Variants in ZNF18 observed in about 807,000 individuals in gnomAD.
ZNF18 encodes heart development-specific gene 1 protein.
Under a neutral mutation model 58.1 loss-of-function variants are expected in ZNF18, and 42 were observed. The ratio of observed to expected loss-of-function variants is 0.72; its 90% CI spans 0.56 to 0.93. The LOEUF (loss-of-function observed/expected upper bound fraction) is 0.93, where lower values mean the gene tolerates loss of function less well. ZNF18 is among the 40% of genes least tolerant of loss of function. ZNF18 has a pLI of 0.00. For synonymous variants in ZNF18, 231 were observed against 239.8 expected, an observed-to-expected ratio of 0.96 and a Z score of 0.34; for missense variants, 540 against 644.2, an observed-to-expected ratio of 0.84 and a Z score of 1.75.
At chr17:11,986,004 T>G (rs1967715860) in intron 4 of ZNF18, among the ~76,000 whole-genome samples, 2 of 152,192 alleles carry the variant, frequency 1.3e-5, no homozygotes, top group South Asian at 4.1e-4. Context: ...CCCACCCAAA[T>G]CTCATCTTGT....
chr17:12,010,418 A>T, the ZNF18 span, among the ~76,000 whole-genome samples: 1 of 151,406 alleles, frequency 6.6e-6, no homozygotes. Context: ...TTGTTTCTGA[A>T]CTTTTTTTTT....
Position 11,978,310 on chromosome 17 carries a change from C to T in ZNF18, c.1297G>A (p.Glu433Lys). The T allele has an allele frequency of 1.2e-6, 2 of 1,600,008 alleles. No individual in the cohort carries two copies. Among genetic ancestry groups the T allele is most frequent in the Non-Finnish European group, 1.7e-6 (2 of 1,174,570 alleles). The change falls in exon 7 of 7, where the codon GAG (glutamate) becomes AAG (lysine). Residue 433 changes from glutamate to lysine, a missense_variant. Physicochemically the swap from Glu to Lys is moderately conservative, Grantham distance 56 (BLOSUM62 1). Coordinates refer to ENST00000580306, the MANE Select transcript of ZNF18 (RefSeq NM_001303281.2). ...CAGATGGTGCACTGAAAGTATGTCT[C>T]TCCGGTGTGAGTTCTTTGGTGAAAA... Reference protein sequence around the residue: ...LIFHQRTHTGETYFQCTICKK... With the variant: ...LIFHQRTHTGKTYFQCTICKK...
chr17:12,020,894 C>G, the ZNF18 span: 1 of 1,209,728 alleles, frequency 8.3e-7, no homozygotes, highest in Non-Finnish European at 1.0e-6. Context: ...ACAATGGCGG[C>G]TCCGAGCCCG....
the ZNF18 span, among the ~76,000 whole-genome samples, chr17:12,005,330 A>G: frequency 2.5e-4 from 38 of 152,234 alleles, no homozygotes; most frequent in Middle Eastern, 6.8e-3. Flanking sequence ...GTTCTCATAC[A>G]TGAAAATCAA....
chr17:12,012,659 A>G, the ZNF18 span, among the ~76,000 whole-genome samples: 2 of 152,180 alleles, frequency 1.3e-5, no homozygotes, highest in Non-Finnish European at 2.9e-5. Context: ...CTGAGAAATT[A>G]TATCTCAATG....
In ZNF18 at chr17:11,992,791, T is replaced by C. The variant is rs200022922; in HGVS notation, c.39A>G (p.Pro13=). Residue 13 remains proline (P), a synonymous_variant, in exon 2 of 7, where the codon CCA becomes CCG. Transcript: ENST00000580306. ...VDLGQALGLL[P]SLAKAEDSQF... Reference sequence around the variant, plus strand: ...GGGAGTCCTCGGCCTTCGCCAGCGATGGCAGCAGGCCTAGGGCCTGCCCCA... The same window carrying C: ...GGGAGTCCTCGGCCTTCGCCAGCGACGGCAGCAGGCCTAGGGCCTGCCCCA... 6.0e-5 allele frequency: 97 copies of C among 1,613,966 alleles called. No homozygotes were observed. The East Asian group carries it at 1.9e-3, about 32-fold the overall frequency.
intron 4 of ZNF18, among the ~76,000 whole-genome samples, chr17:11,989,450 A>T (rs1321588375): frequency 1.3e-5 from 2 of 152,228 alleles, no homozygotes; most frequent in Non-Finnish European, 2.9e-5. Context: ...GTAGATAAGG[A>T]TATTAATACA....
At chr17:12,002,593 T>C in the ZNF18 span, among the ~76,000 whole-genome samples, 1 of 152,174 alleles carries the variant, frequency 6.6e-6, no homozygotes, top group Non-Finnish European at 1.5e-5. Context: ...ATTTAAACTC[T>C]GCTTTTTCTG....
chr17:11,998,744 C>G (rs1968601529), upstream of ZNF18, among the ~76,000 whole-genome samples: 1 of 151,266 alleles, frequency 6.6e-6, no homozygotes, highest in South Asian at 2.1e-4. Context: ...TCGACATGTT[C>G]TCTTAAGTCC....
chr17:11,984,165 C>T lies in ZNF18; in HGVS notation c.699G>A (p.Lys233=). Residue 233 remains lysine (K), a synonymous_variant, in exon 5 of 7, where the codon AAG becomes AAA. Transcript: ENST00000580306. ...CCAGCATGAGATCCCAGTATTGCTC[C>T]TTTTGAGTGGAATCCAGTTGTCTCC... The part of the protein sequence containing the change: ...EQWRQLDSTQ[K]EQYWDLMLET... 6.2e-7 allele frequency: 1 copy of T among 1,612,396 alleles called. No homozygotes were observed.
the ZNF18 span, chr17:12,020,994 C>T: frequency 8.3e-7 from 1 of 1,210,814 alleles, no homozygotes; most frequent in South Asian, 4.1e-5. Context: ...CCGTCAGCAG[C>T]ATGCAGGGTA....
chr17:11,999,995 C>T (rs554568932), upstream of ZNF18, among the ~76,000 whole-genome samples: 4 of 152,274 alleles, frequency 2.6e-5, no homozygotes, highest in South Asian at 8.3e-4. Context: ...AATCTCAGCT[C>T]ACTGCAACCT....
the ZNF18 span, chr17:12,020,793 A>G: frequency 3.9e-6 from 2 of 518,742 alleles, no homozygotes; most frequent in African/African-American, 2.0e-5. Context: ...AGGCGGGGCC[A>G]AGGCGGGGGT....
At chr17:11,982,089 C>A (rs1032235117) in intron 6 of ZNF18, among the ~76,000 whole-genome samples, 4 of 152,116 alleles carry the variant, frequency 2.6e-5, no homozygotes, top group African/African-American at 9.7e-5. Context: ...TCCCCAACCC[C>A]CCTCTCTGCT....
At chr17:11,990,413 T>G in intron 4 of ZNF18, 49 bp downstream of exon 4, 1 of 1,511,014 alleles carries the variant, frequency 6.6e-7, no homozygotes, top group Non-Finnish European at 9.1e-7. Flanking sequence ...AGGATGAGAT[T>G]ATAAAAGGTA....
chr17:12,004,887 C>CAAAAAAAAAAAAAAAAAAA, the ZNF18 span, among the ~76,000 whole-genome samples: 2 of 56,210 alleles, frequency 3.6e-5, no homozygotes, highest in Non-Finnish European at 3.9e-5. Context: ...AACTCCATCT[C>CAAAAAAAAAAAAAAAAAAA]AAAAAAAAAA....
At chr17:11,998,014 C>A (rs1968578154), upstream of ZNF18, among the ~76,000 whole-genome samples, 1 of 151,974 alleles carries the variant, frequency 6.6e-6, no homozygotes, top group African/African-American at 2.4e-5. Context: ...TGGGGCTAGT[C>A]CAATGTGGTG....
Position 11,978,215 on chromosome 17 carries a change from A to G in ZNF18, c.1392T>C (p.Cys464=), listed in dbSNP as rs942222296. Residue 464 remains cysteine, a synonymous_variant, in exon 7 of 7, where the codon TGT becomes TGC. Coordinates refer to ENST00000580306, the MANE Select transcript of ZNF18 (RefSeq NM_001303281.2). The stretch of plus-strand genomic sequence containing the variant: ...AGCCTTTCCCACAGTAATCACATTT[A>G]CAGGGCTTCTCTCCCGTGTGAGTTC... ...HQRTHTGEKP[C]KCDYCGKGFS... 3.1e-6 allele frequency: 5 copies of G among 1,614,136 alleles called. No individual in the cohort carries two copies. In the African/African-American group the frequency reaches 6.7e-5, roughly 22 times the overall value.
At chr17:12,008,185 A>G in the ZNF18 span, among the ~76,000 whole-genome samples, 1 of 152,208 alleles carries the variant, frequency 6.6e-6, no homozygotes, top group Non-Finnish European at 1.5e-5. Flanking sequence ...ACAGGGTTCT[A>G]TCCAAGATCA....
Sources: gnomAD v4.1 joint callset for allele counts (sites outside exome capture counted in the v4.1 genomes callset) on GRCh38, gnomAD v4.1.1 for gene constraint, MANE v1.5 for transcripts, NCBI Gene and HGNC (gene_info 2026-07-23, HGNC 2026-07-21) for gene names.